CAMK1D: variants seen among roughly 807,000 people sequenced by gnomAD.
CAMK1D encodes the protein calcium/calmodulin-dependent protein kinase type 1D.
In CAMK1D, 9 loss-of-function variants were observed where a neutral mutation model predicts 47.7. The ratio of observed to expected loss-of-function variants is 0.19; its 90% CI spans 0.11 to 0.33. The LOEUF is 0.33. CAMK1D is among the 10% of genes least tolerant of loss of function. CAMK1D has a pLI of 1.00. For synonymous variants in CAMK1D, 184 were observed against 184.9 expected, an observed-to-expected ratio of 0.99 and a Z score of 0.04; for missense variants, 291 against 488.7, an observed-to-expected ratio of 0.60 and a Z score of 3.81.
At chr10:12,767,844 G>A (rs147231925) in intron 4 of CAMK1D, among the ~76,000 whole-genome samples, 56 of 152,276 alleles carry the variant, frequency 3.7e-4, no homozygotes, top group African/African-American at 1.2e-3. Flanking sequence ...TTTGTCTCCC[G>A]TGAGCAGAGG....
chr10:12,623,031 C>G (rs1839046491), intron 2 of CAMK1D, among the ~76,000 whole-genome samples: 1 of 147,046 alleles, frequency 6.8e-6, no homozygotes, highest in East Asian at 2.0e-4. Context: ...ATCTGCCCTT[C>G]CCTTCGCCCT....
chr10:12,507,394 C>T (rs1834908962), intron 1 of CAMK1D, among the ~76,000 whole-genome samples: 1 of 152,144 alleles, frequency 6.6e-6, no homozygotes, highest in South Asian at 2.1e-4. Flanking sequence ...CAGGGAAGCA[C>T]CCTTTTTGTT....
At chr10:12,428,376 TGTTAAAGACTG>T (rs1407833424) in intron 1 of CAMK1D, among the ~76,000 whole-genome samples, 32 of 152,336 alleles carry the variant, frequency 2.1e-4, no homozygotes, top group African/African-American at 7.7e-4. Context: ...ATAGATAGCT[TGTTAAAGACTG>T]TCTATTCTTT....
intron 1 of CAMK1D, among the ~76,000 whole-genome samples, chr10:12,459,250 GGTGACT>G (rs1833352867): frequency 6.6e-6 from 1 of 152,138 alleles, no homozygotes; most frequent in Non-Finnish European, 1.5e-5. Flanking sequence ...CGTTATGGCA[GGTGACT>G]GTGCCCCAGC....
chr10:12,368,550 C>T (rs536645949), intron 1 of CAMK1D, among the ~76,000 whole-genome samples: 29 of 152,224 alleles, frequency 1.9e-4, no homozygotes, highest in South Asian at 1.7e-3. Context: ...TTCTGAGTTT[C>T]TCTTCTCTCA....
chr10:12,486,552 C>T (rs72769640), intron 1 of CAMK1D, among the ~76,000 whole-genome samples: 19 of 152,034 alleles, frequency 1.2e-4, no homozygotes, highest in South Asian at 4.1e-4. Flanking sequence ...CACACACACA[C>T]GTACAGACAC....
At chr10:12,585,750 G>A (rs1837798147) in intron 2 of CAMK1D, among the ~76,000 whole-genome samples, 1 of 152,158 alleles carries the variant, frequency 6.6e-6, no homozygotes, top group Non-Finnish European at 1.5e-5. Flanking sequence ...ACAACACGTG[G>A]GAATTATGGG....
In CAMK1D at chr10:12,674,599, C is replaced by CTTTTTTTTTTTTTTTTTT. The variant is rs11391139; in HGVS notation, c.299+7790_299+7807dup. Among the ~76,000 whole-genome samples the CTTTTTTTTTTTTTTTTTT allele has an allele frequency of 1.1e-4, 7 of 63,470 alleles. 1 individual carries two copies. The highest frequency in any genetic ancestry group is 4.3e-4 in the East Asian group (1 of 2,308). 41.6% of individuals were successfully genotyped at this position (63,470 alleles called of 152,430 possible). A position where few individuals can be genotyped will look rare whatever the true frequency, so the allele number is the denominator to read the frequency against. On this transcript the variant is annotated intron_variant, in intron 3 of 10. Transcript: ENST00000619168. Reference sequence around the variant, plus strand: ...TTTTATTTGGGTTTTTGGAAAAATGCTTTTTTTTTTTTTTTTTTCAGAATT... The same window carrying CTTTTTTTTTTTTTTTTTT: ...TTTTATTTGGGTTTTTGGAAAAATGCTTTTTTTTTTTTTTTTTTTTTTTTTTTTTTTTTTTTCAGAATT...
At chr10:12,600,760 C>T (rs542635426) in intron 2 of CAMK1D, among the ~76,000 whole-genome samples, 1 of 152,294 alleles carries the variant, frequency 6.6e-6, no homozygotes, top group Non-Finnish European at 1.5e-5. Context: ...AGTAATTTCT[C>T]CTCCCTCATG....
intron 1 of CAMK1D, among the ~76,000 whole-genome samples, chr10:12,452,343 CCTTT>C (rs1199273506): frequency 1.4e-4 from 21 of 151,570 alleles, no homozygotes; most frequent in African/African-American, 3.9e-4. Context: ...ACATCTAGCC[CCTTT>C]CTTCCTTTCA....
At chr10:12,591,645 C>G (rs1837997923) in intron 2 of CAMK1D, among the ~76,000 whole-genome samples, 1 of 152,162 alleles carries the variant, frequency 6.6e-6, no homozygotes, top group Non-Finnish European at 1.5e-5. Flanking sequence ...TGACTGTTCT[C>G]TCTGTTTCTG....
In CAMK1D at chr10:12,397,822, T is replaced by C. The variant is rs114416112; in HGVS notation, c.92+47912T>C. The stretch of plus-strand genomic sequence containing the variant: ...TTTTGAATCAACATACCAGAAAAAA[T>C]CGCAGGTAAACTGTACATTGAAAAT... On this transcript the variant is annotated intron_variant, in intron 1 of 10. Transcript: ENST00000619168. Among the ~76,000 whole-genome samples, 1,461 of 152,224 alleles carry C rather than the reference T, an allele frequency of 9.6e-3. 19 individuals are homozygous for C. The highest frequency in any genetic ancestry group is 0.034 in the African/African-American group (1,404 of 41,518).
chr10:12,427,811 G>A (rs1327731357), intron 1 of CAMK1D, among the ~76,000 whole-genome samples: 1 of 142,360 alleles, frequency 7.0e-6, no homozygotes, highest in Non-Finnish European at 1.5e-5. Flanking sequence ...GGGTTCAAGC[G>A]ATTCTCCTGC....
At position 12,702,218 on chromosome 10, in the gene CAMK1D, G is replaced by A. The variant is rs1833549034; in HGVS notation, c.299+35408G>A. 3.3e-5 allele frequency among the ~76,000 whole-genome samples: 5 copies of A among 152,188 alleles called. No individual in the cohort carries two copies. The South Asian group carries it at 1.0e-3, about 32-fold the overall frequency. On this transcript the variant is annotated intron_variant, in intron 3 of 10. Transcript: ENST00000619168. ...CCCTGGCACACAACGGAAGACGGTG[G>A]AGGACGCTGCTCTTGGTGGCGAGGA...
intron 2 of CAMK1D, among the ~76,000 whole-genome samples, chr10:12,629,354 G>A (rs549063474): frequency 1.3e-5 from 2 of 152,266 alleles, no homozygotes; most frequent in South Asian, 2.1e-4. Context: ...CTTTGCACTC[G>A]ATGTAGTAAA....
chr10:12,768,751 G>A (rs938705747), intron 4 of CAMK1D, among the ~76,000 whole-genome samples: 8 of 149,800 alleles, frequency 5.3e-5, no homozygotes, highest in East Asian at 1.9e-4. Context: ...CAAGGCCCAC[G>A]CAGCAGTGCA....
intron 1 of CAMK1D, among the ~76,000 whole-genome samples, chr10:12,539,386 C>G (rs1248042060): frequency 6.6e-6 from 1 of 152,134 alleles, no homozygotes; most frequent in African/African-American, 2.4e-5. Context: ...GAAATAAGCT[C>G]AAAAGAGTGC....
At chr10:12,657,578 C>CT (rs1840154911) in intron 2 of CAMK1D, among the ~76,000 whole-genome samples, 1 of 152,200 alleles carries the variant, frequency 6.6e-6, no homozygotes, top group African/African-American at 2.4e-5. Context: ...AATTAACTTT[C>CT]TCCTTTGCAG....
In CAMK1D at chr10:12,452,500, G is replaced by A. The variant is rs536580463; in HGVS notation, c.93-100725G>A. 2.8e-3 allele frequency among the ~76,000 whole-genome samples: 417 copies of A among 151,316 alleles called. 3 individuals are homozygous for A. The Middle Eastern group carries it at 0.042, about 15-fold the overall frequency. On this transcript the variant is annotated intron_variant, in intron 1 of 10. Transcript: ENST00000619168. ...ATAATGTATAAATATACATTTATTT[G>A]TATATGTATTTGTATGTATAAATAT...
Sources: gnomAD v4.1 joint callset for allele counts (sites outside exome capture counted in the v4.1 genomes callset) on GRCh38, gnomAD v4.1.1 for gene constraint, MANE v1.5 for transcripts, NCBI Gene and HGNC (gene_info 2026-07-23, HGNC 2026-07-21) for gene names.